PDGFRB: variants seen among roughly 807,000 people sequenced by gnomAD.
The protein encoded by PDGFRB is platelet-derived growth factor receptor beta.
A neutral mutation model predicts 120.2 loss-of-function variants in PDGFRB; 42 were observed. The observed-to-expected ratio is 0.35, with a 90% CI of 0.27 to 0.45. PDGFRB has a LOEUF of 0.45. Ranked by LOEUF, PDGFRB falls within the 20% of genes least tolerant of loss-of-function variation. The pLI is 1.00. For synonymous variants in PDGFRB, 586 were observed against 606.8 expected, an observed-to-expected ratio of 0.97 and a Z score of 0.50; for missense variants, 1,149 against 1,476.3, an observed-to-expected ratio of 0.78 and a Z score of 3.63.
intron 4 of PDGFRB, among the ~76,000 whole-genome samples, chr5:150,134,282 C>A (rs1395219295): frequency 6.6e-6 from 1 of 152,206 alleles, no homozygotes; most frequent in Non-Finnish European, 1.5e-5. Flanking sequence ...CTCTGGAGAT[C>A]TATGTACAGG....
chr5:150,138,210 T>C (rs1297913304), intron 1 of PDGFRB, among the ~76,000 whole-genome samples: 1 of 152,202 alleles, frequency 6.6e-6, no homozygotes, highest in Non-Finnish European at 1.5e-5. Context: ...GGTGACGGCA[T>C]GATGAGGCAA....
chr5:150,147,678 C>A (rs1760962864), intron 1 of PDGFRB, among the ~76,000 whole-genome samples: 1 of 152,196 alleles, frequency 6.6e-6, no homozygotes, highest in South Asian at 2.1e-4. Flanking sequence ...GGGCAGAGAA[C>A]CCCCATGTTT....
intron 1 of PDGFRB, among the ~76,000 whole-genome samples, chr5:150,153,038 A>G (rs919857600): frequency 1.2e-4 from 18 of 152,342 alleles, no homozygotes; most frequent in African/African-American, 3.6e-4. Flanking sequence ...GGTTACCCAC[A>G]GCGCTCACTG....
At chr5:150,130,460 C>T (rs529728505) in intron 9 of PDGFRB, 79 bp downstream of exon 9, 66 of 1,378,268 alleles carry the variant, frequency 4.8e-5, no homozygotes, top group South Asian at 2.4e-4. Flanking sequence ...CCAAGAAGAA[C>T]GGGCGGGACT....
At chr5:150,129,047 G>A (rs1760375113) in intron 10 of PDGFRB, among the ~76,000 whole-genome samples, 1 of 152,220 alleles carries the variant, frequency 6.6e-6, no homozygotes, top group African/African-American at 2.4e-5. Flanking sequence ...ACACGTGTAT[G>A]TGTACCTGCT....
At chr5:150,142,769 G>A (rs1221726701) in intron 1 of PDGFRB, among the ~76,000 whole-genome samples, 1 of 152,174 alleles carries the variant, frequency 6.6e-6, no homozygotes. Flanking sequence ...ATAAGGCACA[G>A]TAAGAGATGA....
chr5:150,149,524 T>C (rs1432449083), intron 1 of PDGFRB, among the ~76,000 whole-genome samples: 2 of 150,208 alleles, frequency 1.3e-5, no homozygotes, highest in African/African-American at 5.1e-5. Flanking sequence ...CATCCATCCA[T>C]CCACCCACCC....
chr5:150,128,445 T>C (rs1760358838), intron 10 of PDGFRB, among the ~76,000 whole-genome samples: 1 of 152,234 alleles, frequency 6.6e-6, no homozygotes. Flanking sequence ...ATGCCTCACA[T>C]GGCCTTTGGA....
At chr5:150,126,075 G>A (rs1760284750) in intron 11 of PDGFRB, among the ~76,000 whole-genome samples, 1 of 152,202 alleles carries the variant, frequency 6.6e-6, no homozygotes, top group African/African-American at 2.4e-5. Flanking sequence ...CCTGATTCAG[G>A]AAGCTTAAAA....
chr5:150,135,416 A>C (rs915637961), intron 3 of PDGFRB, 139 bp downstream of exon 3: 15 of 684,818 alleles, frequency 2.2e-5, no homozygotes, highest in East Asian at 7.5e-5. Flanking sequence ...TCCCCGACTG[A>C]GCCAGGCTGG....
chr5:150,123,049 G>C lies in PDGFRB; in HGVS notation c.2176C>G (p.Leu726Val), dbSNP rs773244332. ...TGGCCTCCCTCCTGGTACCTGGGCAGGGGGAGCCCAACGGGCAGAGCATTG... is the reference window on the plus strand; with the variant it reads ...TGGCCTCCCTCCTGGTACCTGGGCACGGGGAGCCCAACGGGCAGAGCATTG... ...YSNALPVGLP[L>V]PSHVSLTGES... The change falls in exon 15 of 23, where the codon CTG becomes GTG. Residue 726 changes from leucine (L) to valine (V), a missense_variant. Leu to Val is a conservative substitution (Grantham distance 32, BLOSUM62 1). This residue lies in a region of PDGFRB where 879 missense variants were observed against 1,108.6 expected (regional missense o/e 0.79). Coordinates refer to ENST00000261799, the MANE Select transcript of PDGFRB (RefSeq NM_002609.4). 6.2e-7 allele frequency: 1 copy of C among 1,612,656 alleles called. No homozygotes were observed. Among genetic ancestry groups the C allele is most frequent in the Non-Finnish European group, 8.5e-7 (1 of 1,179,668 alleles).
chr5:150,117,788 C>T lies in PDGFRB; in HGVS notation c.2967G>A (p.Gln989=), dbSNP rs1760008076. The T allele has an allele frequency of 1.2e-6, 2 of 1,614,038 alleles. No homozygotes were observed. Among genetic ancestry groups the T allele is most frequent in the Non-Finnish European group, 1.7e-6 (2 of 1,179,944 alleles). ...RSDHPAILRS[Q]ARLPGFHGLR... ...GGCCATGGAACCCAGGCAAGCGGGC[C>T]TGGGACCGAAGGATGGCTGGGTGGT... Residue 989 remains glutamine (Q), a synonymous_variant, in exon 22 of 23, where the codon CAG becomes CAA. Coordinates refer to ENST00000261799, the MANE Select transcript of PDGFRB (RefSeq NM_002609.4).
intron 1 of PDGFRB, among the ~76,000 whole-genome samples, chr5:150,145,922 C>A (rs529923453): frequency 6.2e-4 from 95 of 152,230 alleles, no homozygotes; most frequent in African/African-American, 2.2e-3. Context: ...TATCTTTTCG[C>A]CTTCTTTGTC....
rs1384789426 is a variant in PDGFRB, at chr5:150,121,530, T to C, written c.2345-208A>G. ...CTCATTGGCCTTTTGGCATTAGCCCTTGGGCCACTTTTGCCCAGCCTGGCC... is the reference window on the plus strand; with the variant it reads ...CTCATTGGCCTTTTGGCATTAGCCCCTGGGCCACTTTTGCCCAGCCTGGCC... On this transcript the variant is annotated intron_variant, in intron 16 of 22. Transcript: ENST00000261799. This position sits in a 1 kb window ranked among gnomAD's most constrained non-coding sequence, Gnocchi z 4.1. 6.6e-6 allele frequency among the ~76,000 whole-genome samples: 1 copy of C among 152,240 alleles called. No homozygotes were observed. The highest frequency in any genetic ancestry group is 1.5e-5 in the Non-Finnish European group (1 of 68,040).
chr5:150,146,694 G>C (rs1760933044), intron 1 of PDGFRB, among the ~76,000 whole-genome samples: 2 of 152,160 alleles, frequency 1.3e-5, no homozygotes, highest in African/African-American at 2.4e-5. Flanking sequence ...GAGTAGCTGG[G>C]ACTACAGGTG....
Position 150,129,841 on chromosome 5 carries a change from G to A in PDGFRB, c.1495C>T (p.His499Tyr), listed in dbSNP as rs2113902726. Residue 499 changes from histidine (H) to tyrosine (Y), a missense_variant, in exon 10 of 23, where the codon CAC becomes TAC. Physicochemically the swap from His to Tyr is moderately conservative, Grantham distance 83 (BLOSUM62 2). This residue lies in a region of PDGFRB where 879 missense variants were observed against 1,108.6 expected (regional missense o/e 0.79). Coordinates refer to ENST00000261799, the MANE Select transcript of PDGFRB (RefSeq NM_002609.4). ...CGCACCGACAGTGGCCGATCCACGTGCTGCAGACGCAGTGTGCTCACCACC... is the reference window on the plus strand; with the variant it reads ...CGCACCGACAGTGGCCGATCCACGTACTGCAGACGCAGTGTGCTCACCACC... ...FEVVSTLRLQ[H>Y]VDRPLSVRCT... 6.2e-7 allele frequency: 1 copy of A among 1,614,148 alleles called. No homozygotes were observed.
At chr5:150,125,681 C>T in intron 11 of PDGFRB, 104 bp from the exon 12 acceptor site, 2 of 1,051,700 alleles carry the variant, frequency 1.9e-6, no homozygotes, top group East Asian at 2.4e-5. Context: ...CCCTGAGGCC[C>T]AGAGAGGGGC....
chr5:150,150,098 G>A (rs141901517), intron 1 of PDGFRB, among the ~76,000 whole-genome samples: 1 of 152,298 alleles, frequency 6.6e-6, no homozygotes, highest in Non-Finnish European at 1.5e-5. Context: ...ATTTCTTGTT[G>A]GGACGGCTTT....
rs1369433730 is a variant in PDGFRB at position 150,126,609 on chromosome 5, G to T, written c.1585C>A (p.Pro529Thr). 6.3e-6 allele frequency: 10 copies of T among 1,592,574 alleles called. No individual in the cohort carries two copies. Among genetic ancestry groups the T allele is most frequent in the Non-Finnish European group, 8.6e-6 (10 of 1,160,616 alleles). The change falls in exon 11 of 23, where the codon CCC (proline) becomes ACC (threonine). Residue 529 changes from proline to threonine, a missense_variant. Transcript: ENST00000261799. ...QEVIVVPHSL[P>T]FKVVVISAIL... ...GCTGAGATCACCACCACCTTAAAGG[G>T]CAAGGCTGGAGGCAGAGATGAGAGC... is the stretch of plus-strand genomic sequence containing the variant.
Sources: gnomAD v4.1 joint callset for allele counts (sites outside exome capture counted in the v4.1 genomes callset) on GRCh38, gnomAD v4.1.1 for gene constraint, gnomAD v4.1.1 regional missense constraint, Gnocchi (gnomAD v3.1) non-coding constraint, MANE v1.5 for transcripts, NCBI Gene and HGNC (gene_info 2026-07-23, HGNC 2026-07-21) for gene names.